ORC3: variants seen among roughly 807,000 people sequenced by gnomAD.
The protein encoded by ORC3 is origin recognition complex subunit 3, also known as homolog of latheo, Drosophila.
A neutral mutation model predicts 100.7 loss-of-function variants in ORC3; 78 were observed. The ratio of observed to expected loss-of-function variants is 0.77; its 90% CI spans 0.65 to 0.94. The LOEUF is 0.94. Among genes scored for constraint, ORC3 ranks in the 40% least tolerant of loss-of-function variants. The pLI, the probability that ORC3 is intolerant of heterozygous loss-of-function variation, is 0.00. For missense variants in ORC3, 789 were observed against 823.9 expected, an observed-to-expected ratio of 0.96 and a Z score of 0.52; for synonymous variants, 295 against 289.3, an observed-to-expected ratio of 1.02 and a Z score of -0.20.
chr6:87,658,843 T>A (rs944073437), intron 16 of ORC3, among the ~76,000 whole-genome samples: 14 of 152,186 alleles, frequency 9.2e-5, no homozygotes, highest in Non-Finnish European at 1.9e-4. Flanking sequence ...CAATCCAGCC[T>A]GTATTTTAAG....
chr6:87,617,906 A>T (rs1306999525), intron 9 of ORC3, among the ~76,000 whole-genome samples: 1 of 152,174 alleles, frequency 6.6e-6, no homozygotes, highest in Non-Finnish European at 1.5e-5. Flanking sequence ...TTTGGCTAAT[A>T]TGTATCTTTT....
chr6:87,601,538 C>G (rs1357082691), intron 2 of ORC3, among the ~76,000 whole-genome samples: 3 of 151,976 alleles, frequency 2.0e-5, no homozygotes, highest in African/African-American at 4.8e-5. Flanking sequence ...GGCGTGGTGG[C>G]ACGTGCCTGT....
At chr6:87,597,834 G>T (rs571661798) in intron 2 of ORC3, among the ~76,000 whole-genome samples, 4 of 150,850 alleles carry the variant, frequency 2.7e-5, no homozygotes, top group Admixed American at 1.3e-4. Context: ...GATTACAGGC[G>T]TGAGTCACCA....
chr6:87,621,566 C>A, intron 10 of ORC3, 79 bp downstream of exon 10: 2 of 966,276 alleles, frequency 2.1e-6, no homozygotes, highest in East Asian at 2.9e-5. Context: ...CCAGTTATTT[C>A]TGAAGTAGGG....
At chr6:87,648,547 C>G (rs1249869929) in intron 13 of ORC3, among the ~76,000 whole-genome samples, 1 of 152,156 alleles carries the variant, frequency 6.6e-6, no homozygotes, top group Non-Finnish European at 1.5e-5. Context: ...GGATGTCAAG[C>G]TGAACTGTCT....
intron 13 of ORC3, among the ~76,000 whole-genome samples, chr6:87,637,156 A>G (rs1767892889): frequency 6.6e-6 from 1 of 152,194 alleles, no homozygotes; most frequent in African/African-American, 2.4e-5. Flanking sequence ...CCAGTTTTAT[A>G]ATTTTCCTCA....
chr6:87,633,207 T>G (rs1767561458), intron 11 of ORC3, among the ~76,000 whole-genome samples: 2 of 152,202 alleles, frequency 1.3e-5, no homozygotes. Context: ...AGAGTTCATT[T>G]TCTTCAAAAT....
chr6:87,669,258 A>C (rs893826932), downstream of ORC3, among the ~76,000 whole-genome samples: 6 of 152,240 alleles, frequency 3.9e-5, no homozygotes, highest in Non-Finnish European at 8.8e-5. Flanking sequence ...ACCATAAATA[A>C]TCAACTGCAA....
the ORC3 span, among the ~76,000 whole-genome samples, chr6:87,674,354 T>C: frequency 6.7e-6 from 1 of 148,498 alleles, no homozygotes; most frequent in African/African-American, 2.5e-5. Flanking sequence ...TGGTCAGTTA[T>C]AAATGTGTAT....
At chr6:87,662,135 A>G (rs28381535) in intron 16 of ORC3, among the ~76,000 whole-genome samples, 4,773 of 152,234 alleles carry the variant, frequency 0.031, 115 homozygotes, top group Non-Finnish European at 0.044. Flanking sequence ...ATATATAAAA[A>G]ACTTTTGGGC....
intron 11 of ORC3, among the ~76,000 whole-genome samples, chr6:87,630,386 G>GC (rs1176329783): frequency 1.3e-5 from 2 of 152,192 alleles, no homozygotes; most frequent in African/African-American, 4.8e-5. Context: ...GGTTGCTAGA[G>GC]CAAGATCCTG....
At position 87,665,807 on chromosome 6, in the gene ORC3, C is replaced by T. The variant is rs756267737; in HGVS notation, c.2004C>T (p.Thr668=). The T allele has an allele frequency of 6.2e-7, 1 of 1,610,406 alleles. No individual in the cohort carries two copies. The highest frequency in any genetic ancestry group is 1.1e-5 in the South Asian group (1 of 90,940). ...AAAAAATGGATGCAAATTCTGCAAC[C>T]TCAGAAGAAATGAATGAAATTATCC... is the stretch of plus-strand genomic sequence containing the variant. ...AAEKMDANSA[T]SEEMNEIIHA... The change falls in exon 19 of 20, where the codon ACC becomes ACT. Residue 668 remains threonine (T), a synonymous_variant. Transcript: ENST00000392844.
intron 2 of ORC3, chr6:87,595,412 T>C (rs1056467547): frequency 6.6e-6 from 1 of 152,238 alleles, no homozygotes; most frequent in Non-Finnish European, 1.5e-5. Context: ...ATAAATACCA[T>C]GTGAATAAAT....
At chr6:87,677,565 A>G in the ORC3 span, among the ~76,000 whole-genome samples, 2 of 152,146 alleles carry the variant, frequency 1.3e-5, no homozygotes, top group African/African-American at 2.4e-5. Context: ...GAGGTAAACT[A>G]CTAACATCAG....
At chr6:87,649,584 C>T (rs1186901019) in intron 13 of ORC3, among the ~76,000 whole-genome samples, 1 of 152,072 alleles carries the variant, frequency 6.6e-6, no homozygotes, top group East Asian at 1.9e-4. Context: ...CCTGTCTCTA[C>T]TAAAAATACA....
chr6:87,643,193 C>T (rs1583122477), intron 13 of ORC3, among the ~76,000 whole-genome samples: 1 of 151,964 alleles, frequency 6.6e-6, no homozygotes, highest in Admixed American at 6.6e-5. Context: ...CGAGGTGGCT[C>T]ACGCCTGTAA....
chr6:87,597,348 A>C (rs866309631), intron 2 of ORC3, among the ~76,000 whole-genome samples: 2 of 152,170 alleles, frequency 1.3e-5, no homozygotes, highest in Non-Finnish European at 2.9e-5. Context: ...AAAAAGTTTC[A>C]GATTCTGGAG....
the ORC3 span, among the ~76,000 whole-genome samples, chr6:87,673,455 A>G: frequency 6.6e-6 from 1 of 152,148 alleles, no homozygotes; most frequent in Non-Finnish European, 1.5e-5. Flanking sequence ...TAAATATCCT[A>G]TAATGCACAG....
In ORC3 at chr6:87,644,115, C is replaced by T. The variant is rs1314747151; in HGVS notation, c.1382+7629C>T. Reference sequence around the variant, plus strand: ...TTTTTTTTTTTTTTTTTTTTTGAGACGGAGTCTCGCTCTGTCGCCCAGGCT... The same window carrying T: ...TTTTTTTTTTTTTTTTTTTTTGAGATGGAGTCTCGCTCTGTCGCCCAGGCT... On this transcript the variant is annotated intron_variant, in intron 13 of 19. Coordinates refer to ENST00000392844, the MANE Select transcript of ORC3 (RefSeq NM_012381.4). 6.7e-5 allele frequency among the ~76,000 whole-genome samples: 4 copies of T among 59,310 alleles called. No individual in the cohort carries two copies. The Admixed American group carries it at 8.7e-4, about 13-fold the overall frequency. 38.9% of individuals were successfully genotyped at this position (59,310 alleles called of 152,430 possible). A position where few individuals can be genotyped will look rare whatever the true frequency, so the allele number is the denominator to read the frequency against.
Sources: allele counts gnomAD v4.1 joint callset (sites outside exome capture counted in the v4.1 genomes callset), GRCh38; gene constraint gnomAD v4.1.1; transcripts MANE v1.5; gene names NCBI Gene and HGNC (gene_info 2026-07-23, HGNC 2026-07-21).